Variants in WDR4 observed in about 807,000 individuals in gnomAD.
WDR4 encodes the protein tRNA (guanine-N(7)-)-methyltransferase non-catalytic subunit WDR4.
A neutral mutation model predicts 48.6 loss-of-function variants in WDR4; 47 were observed. The observed-to-expected ratio is 0.97, with a 90% confidence interval of 0.77 to 1.23. The LOEUF (loss-of-function observed/expected upper bound fraction) is 1.23. Ranked by LOEUF, WDR4 falls within the 50% of genes most tolerant of loss-of-function variation. The pLI is 0.00. For missense variants in WDR4, 606 were observed against 551.6 expected, an observed-to-expected ratio of 1.10 and a Z score of -0.99; for synonymous variants, 268 against 230.0, an observed-to-expected ratio of 1.17 and a Z score of -1.49.
In WDR4 at chr21:42,862,533, T is replaced by A. The variant is rs2058143473; in HGVS notation, c.454-139A>T. On this transcript the variant is annotated intron_variant, in intron 4 of 10. Transcript: ENST00000398208. The surrounding 1 kb of genome is among the most constrained non-coding windows in gnomAD (Gnocchi z 4.3). ...TTCGAGGACAGACCAGCGTGGCTCC[T>A]CCCCTCCTCCCGTCCCTACGTCTAA... is the stretch of plus-strand genomic sequence containing the variant. The A allele has an allele frequency of 1.4e-6, 1 of 696,720 alleles. No homozygotes were observed. The highest frequency in any genetic ancestry group is 1.8e-5 in the African/African-American group (1 of 55,966). The allele number at this position is 696,720 out of a possible 1,614,324, so 43.2% of individuals were successfully genotyped here.
chr21:42,875,727 AC>A (rs1181975659), intron 2 of WDR4, among the ~76,000 whole-genome samples: 1 of 152,126 alleles, frequency 6.6e-6, no homozygotes, highest in Non-Finnish European at 1.5e-5. Flanking sequence ...TAACGATAAA[AC>A]AAACTGAGCC....
chr21:42,865,619 G>A (rs528317335), intron 3 of WDR4, among the ~76,000 whole-genome samples: 4 of 152,248 alleles, frequency 2.6e-5, no homozygotes, highest in East Asian at 3.9e-4. Flanking sequence ...AGCCTTACTC[G>A]CAGGCTTGGG....
At chr21:42,869,759 C>T (rs1008869909) in intron 3 of WDR4, among the ~76,000 whole-genome samples, 3 of 152,112 alleles carry the variant, frequency 2.0e-5, no homozygotes, top group Non-Finnish European at 2.9e-5. Context: ...CCTGTAATCC[C>T]GGCACCCTGG....
chr21:42,864,202 T>A (rs1482980732), intron 3 of WDR4, among the ~76,000 whole-genome samples: 1 of 151,238 alleles, frequency 6.6e-6, no homozygotes, highest in East Asian at 1.9e-4. Flanking sequence ...ATCCTCAACT[T>A]TCCTGTGTGT....
chr21:42,885,464 G>T, the WDR4 span, among the ~76,000 whole-genome samples: 1 of 152,008 alleles, frequency 6.6e-6, no homozygotes, highest in African/African-American at 2.4e-5. Context: ...TACAAAATTA[G>T]CCGGGCATGG....
chr21:42,843,681 C>A (rs1159720168), intron 11 of WDR4, among the ~76,000 whole-genome samples: 1 of 152,074 alleles, frequency 6.6e-6, no homozygotes, highest in Non-Finnish European at 1.5e-5. Flanking sequence ...TCAAGCGATT[C>A]TCCTGCTTTA....
intron 3 of WDR4, among the ~76,000 whole-genome samples, chr21:42,864,827 T>C (rs1209793289): frequency 1.3e-5 from 2 of 152,158 alleles, no homozygotes; most frequent in Non-Finnish European, 2.9e-5. Context: ...CCATATGTTC[T>C]ATTTTACATA....
chr21:42,872,546 G>A (rs376071834), intron 3 of WDR4, among the ~76,000 whole-genome samples: 2 of 151,568 alleles, frequency 1.3e-5, no homozygotes, highest in South Asian at 4.2e-4. Context: ...GGGAGGCGGA[G>A]GCTGTAGTGA....
chr21:42,878,903 C>T, intron 1 of WDR4: 1 of 961,648 alleles, frequency 1.0e-6, no homozygotes, highest in Non-Finnish European at 1.2e-6. Context: ...TGGATGCAGG[C>T]CGGGAAGAGG....
At chr21:42,851,785 AC>A (rs1234150493) in intron 10 of WDR4, among the ~76,000 whole-genome samples, 1 of 152,098 alleles carries the variant, frequency 6.6e-6, no homozygotes, top group Admixed American at 6.5e-5. Flanking sequence ...CAGGACAGTG[AC>A]CATCCTGCCC....
At position 42,862,545 on chromosome 21, in the gene WDR4, G is replaced by A. The variant is rs1313459844; in HGVS notation, c.454-151C>T. 3.6e-5 allele frequency: 24 copies of A among 662,586 alleles called. No individual in the cohort carries two copies. The highest frequency in any genetic ancestry group is 1.9e-4 in the South Asian group (10 of 53,260). The allele number at this position is 662,586 out of a possible 1,614,324, so 41.0% of individuals were successfully genotyped here. A position where few individuals can be genotyped will look rare whatever the true frequency, so the allele number is the denominator to read the frequency against. ...CCAGCGTGGCTCCTCCCCTCCTCCC[G>A]TCCCTACGTCTAATTGGTGGCCCTC... On this transcript the variant is annotated intron_variant, in intron 4 of 10. Coordinates refer to ENST00000398208, the MANE Select transcript of WDR4 (RefSeq NM_018669.6). This position sits in a 1 kb window ranked among gnomAD's most constrained non-coding sequence, Gnocchi z 4.3.
At chr21:42,853,521 C>T (rs2057890116) in intron 9 of WDR4, 48 bp downstream of exon 9, 11 of 1,570,130 alleles carry the variant, frequency 7.0e-6, no homozygotes, top group Non-Finnish European at 8.7e-6. Context: ...CACCCCCAGG[C>T]TTATGGAAAG....
At chr21:42,852,827 A>G (rs919680729) in intron 9 of WDR4, among the ~76,000 whole-genome samples, 4 of 151,922 alleles carry the variant, frequency 2.6e-5, no homozygotes, top group Admixed American at 1.3e-4. Flanking sequence ...AGGCAGGAGA[A>G]TCACTTGAAC....
chr21:42,870,702 T>C (rs1420229397), intron 3 of WDR4, among the ~76,000 whole-genome samples: 3 of 151,950 alleles, frequency 2.0e-5, no homozygotes, highest in Admixed American at 1.3e-4. Context: ...GGCAGGAGAA[T>C]TGCTTGAACC....
intron 5 of WDR4, among the ~76,000 whole-genome samples, chr21:42,860,025 C>T (rs370913154): frequency 6.6e-6 from 1 of 152,144 alleles, no homozygotes; most frequent in Non-Finnish European, 1.5e-5. Context: ...CGCCTCTGTG[C>T]CCCTCTGCAG....
downstream of WDR4, among the ~76,000 whole-genome samples, chr21:42,847,140 A>G (rs1346389917): frequency 1.3e-5 from 2 of 152,226 alleles, no homozygotes; most frequent in Non-Finnish European, 2.9e-5. Flanking sequence ...GAAACTAAAA[A>G]AATAACGGAA....
chr21:42,869,870 G>A (rs1383979926), intron 3 of WDR4, among the ~76,000 whole-genome samples: 8 of 151,804 alleles, frequency 5.3e-5, no homozygotes, highest in African/African-American at 1.9e-4. Flanking sequence ...AAAATTAGCC[G>A]GTCGTGGTGG....
At chr21:42,892,276 C>CA in the WDR4 span, among the ~76,000 whole-genome samples, 28 of 148,610 alleles carry the variant, frequency 1.9e-4, no homozygotes, top group East Asian at 4.2e-3. Context: ...AAAATTTAAA[C>CA]AAAAAAAAAA....
At chr21:42,879,626 A>T (rs944814456), upstream of WDR4, 1 of 1,161,740 alleles carries the variant, frequency 8.6e-7, no homozygotes, top group Non-Finnish European at 1.2e-6. Context: ...CTCAAGGACG[A>T]GCCTGCCTTG....
Sources: gnomAD v4.1 joint callset for allele counts (sites outside exome capture counted in the v4.1 genomes callset) on GRCh38, gnomAD v4.1.1 for gene constraint, Gnocchi (gnomAD v3.1) non-coding constraint, MANE v1.5 for transcripts, NCBI Gene and HGNC (gene_info 2026-07-23, HGNC 2026-07-21) for gene names.